TTN: variants seen among roughly 807,000 people sequenced by gnomAD.
TTN encodes connectin.
Under a neutral mutation model 3,223.0 loss-of-function variants are expected in TTN, and 1,525 were observed. That is an observed-to-expected ratio of 0.47 (90% CI 0.45 to 0.49). The LOEUF is 0.49. Among genes scored for constraint, TTN ranks in the 20% least tolerant of loss-of-function variants. TTN has a pLI of 0.00. For synonymous variants in TTN, 14,094 were observed against 15,161.0 expected (o/e 0.93, Z 5.17); for missense variants, 40,786 against 43,424.0 (o/e 0.94, Z 5.40).
rs1171764754 is a variant in TTN, at chr2:178,565,336, A to G, written c.80796T>C (p.Ala26932=). ...QTTRVNVEET[A]TSTVLHIKEG... is the part of the protein sequence containing the mutation. ...CTTTAATGTGCAAAACAGTTGAGGTAGCTGTTTCTTCAACGTTTACTCTTG... is the reference window on the plus strand; with the variant it reads ...CTTTAATGTGCAAAACAGTTGAGGTGGCTGTTTCTTCAACGTTTACTCTTG... The change falls in exon 326 of 363, where the codon GCT becomes GCC. Residue 26932 remains alanine (A), a synonymous_variant. Transcript: ENST00000589042. 6.2e-7 allele frequency: 1 copy of G among 1,613,654 alleles called. No homozygotes were observed. The highest frequency in any genetic ancestry group is 1.7e-5 in the Admixed American group (1 of 59,996).
chr2:178,775,823 G>A lies in TTN; in HGVS notation c.6041C>T (p.Thr2014Ile), dbSNP rs189149543. The A allele has an allele frequency of 4.3e-4, 693 of 1,613,932 alleles. 5 individuals are homozygous for A. Among genetic ancestry groups the A allele is most frequent in the Non-Finnish European group, 4.8e-5 (57 of 1,179,958 alleles). Residue 2014 changes from threonine (T) to isoleucine (I), a missense_variant, in exon 28 of 363, where the codon ACC becomes ATC. By Grantham distance (89) the Thr-to-Ile change is moderately conservative. Transcript: ENST00000589042. ...CTTTCGAGACTTGAGCTCCACAGCG[G>A]TAATGGCTTCATAATAGCCCTCTTC... The part of the protein sequence containing the change: ...RTEEGYYEAI[T>I]AVELKSRKKD...
chr2:178,618,272 A>G lies in TTN; in HGVS notation c.47186T>C (p.Leu15729Pro), dbSNP rs1364835059. ...TGLQKGGVEY[L>P]FRVSARNRVG... ...TCTGTTTCTTGCACTCACACGGAAT[A>G]GGTACTCAACTCCTCCTTTCTGTAG... is the stretch of plus-strand genomic sequence containing the variant. The change falls in exon 252 of 363, where the codon CTA (leucine) becomes CCA (proline). Residue 15729 changes from leucine (L) to proline (P), a missense_variant. Transcript: ENST00000589042. 1 of 1,612,700 alleles carries G rather than the reference A, an allele frequency of 6.2e-7. No individual in the cohort carries two copies. The highest frequency in any genetic ancestry group is 8.5e-7 in the Non-Finnish European group (1 of 1,179,190).
chr2:178,727,373 T>C lies in TTN; in HGVS notation c.19994-2A>G. On this transcript the variant is annotated splice_acceptor_variant, in intron 68 of 362. Transcript: ENST00000589042. LOFTEE classifies it high-confidence loss of function. ...ATTTCTTTACAAACTTTGGTGGTTC[T>C]AAAGAGTCAGGAAAGAGGAGAGTAT... 1.3e-6 allele frequency: 2 copies of C among 1,583,296 alleles called. No individual in the cohort carries two copies. The highest frequency in any genetic ancestry group is 1.7e-6 in the Non-Finnish European group (2 of 1,165,626).
intron 121 of TTN, 68 bp from the exon 122 acceptor site, chr2:178,689,964 G>T: frequency 7.5e-7 from 1 of 1,336,090 alleles, no homozygotes. Flanking sequence ...ATAGGCACAT[G>T]CACAAATCTT....
At chr2:178,555,879 A>C (rs1701218404) in intron 330 of TTN, 1 of 152,224 alleles carries the variant, frequency 6.6e-6, no homozygotes, top group Non-Finnish European at 1.5e-5. Context: ...AATTTTCAAA[A>C]CATTGTTGAG....
chr2:178,796,033 G>T (rs1164149762), intron 6 of TTN, among the ~76,000 whole-genome samples: 1 of 152,172 alleles, frequency 6.6e-6, no homozygotes, highest in Admixed American at 6.5e-5. Flanking sequence ...TGGGTAAATT[G>T]ATAAAGTTGC....
Position 178,585,155 on chromosome 2 carries a change from G to T in TTN, c.64589C>A (p.Thr21530Asn). 1 of 1,613,324 alleles carries T rather than the reference G, an allele frequency of 6.2e-7. No individual in the cohort carries two copies. Among genetic ancestry groups the T allele is most frequent in the Non-Finnish European group, 8.5e-7 (1 of 1,179,464 alleles). ...GCTGTAGTAACCACTGTCTTTCCTA[G>T]TCACATCTTTTATGATCAGAATTGA... The part of the protein sequence containing the change: ...SSSILIIKDV[T>N]RKDSGYYSLT... The change falls in exon 309 of 363, where the codon ACT becomes AAT. Residue 21530 changes from threonine to asparagine, a missense_variant. Thr to Asn is a moderately conservative substitution (Grantham distance 65). Coordinates refer to ENST00000589042, the MANE Select transcript of TTN (RefSeq NM_001267550.2).
At chr2:178,675,253 C>T (rs1241696626) in intron 149 of TTN, 140 bp from the exon 150 acceptor site, 11 of 521,876 alleles carry the variant, frequency 2.1e-5, no homozygotes, top group Non-Finnish European at 2.0e-5. Flanking sequence ...TTCACAGAAT[C>T]GGTTAATGAG....
rs2071520108 is a variant in TTN, at chr2:178,688,708, A to T, written c.32166T>A (p.Val10722=). ...GCCGCGTGACTTCCACTCTTTGAGG[A>T]ACTGCGAAGGATAGTTTTTCTTCAG... ...FVAEEKLSFA[V]PQRVEVTRHE... The change falls in exon 126 of 363, where the codon GTT becomes GTA. Residue 10722 remains valine, a synonymous_variant. Transcript: ENST00000589042. The T allele has an allele frequency of 6.2e-7, 1 of 1,613,808 alleles. No homozygotes were observed. The highest frequency in any genetic ancestry group is 8.5e-7 in the Non-Finnish European group (1 of 1,179,706).
Position 178,595,742 on chromosome 2 carries a change from T to C in TTN, c.57612A>G (p.Thr19204=), listed in dbSNP as rs762560444. ...HNLTNESCKL[T]WFSPEDDGGS... ...CTCCATCATCTTCTGGAGAAAACCA[T>C]GTCAGTTTGCAGGACTCATTGGTTA... is the stretch of plus-strand genomic sequence containing the variant. Residue 19204 remains threonine (T), a synonymous_variant, in exon 295 of 363, where the codon ACA becomes ACG. Transcript: ENST00000589042. The C allele has an allele frequency of 1.1e-5, 18 of 1,609,544 alleles. No individual in the cohort carries two copies. Among genetic ancestry groups the C allele is most frequent in the Non-Finnish European group, 1.5e-5 (18 of 1,178,126 alleles).
In TTN at chr2:178,620,362, T is replaced by C. The variant is rs761587912; in HGVS notation, c.46159A>G (p.Ile15387Val). Residue 15387 changes from isoleucine (I) to valine (V), a missense_variant, in exon 248 of 363, where the codon ATA becomes GTA. Transcript: ENST00000589042. The part of the protein sequence containing the change: ...QDKSVAELLI[I>V]EAPTEFVEHL... ...TCCACAAATTCTGTCGGGGCTTCTA[T>C]GATGAGAAGCTCAGCAACAGATTTA... is the stretch of plus-strand genomic sequence containing the variant. 1.2e-6 allele frequency: 2 copies of C among 1,609,678 alleles called. No homozygotes were observed. The highest frequency in any genetic ancestry group is 1.7e-5 in the Admixed American group (1 of 59,638).
At position 178,552,279 on chromosome 2, in the gene TTN, A is replaced by G. The variant is rs764623652; in HGVS notation, c.90621T>C (p.Asp30207=). 11 of 1,613,532 alleles carry G rather than the reference A, an allele frequency of 6.8e-6. No homozygotes were observed. In the East Asian group the frequency reaches 2.2e-4, roughly 33 times the overall value. The change falls in exon 335 of 363, where the codon GAT becomes GAC. Residue 30207 remains aspartate, a synonymous_variant. Coordinates refer to ENST00000589042, the MANE Select transcript of TTN (RefSeq NM_001267550.2). ...EHGGKYTVIL[D]NAVCRIAVPI... is the part of the protein sequence containing the mutation. ...GGACTGCAATTCTACACACTGCATT[A>G]TCAAGAATAACAGTGTATTTTCCTC...
chr2:178,588,770 A>T lies in TTN; in HGVS notation c.62955T>A (p.Asn20985Lys). The T allele has an allele frequency of 6.2e-7, 1 of 1,613,320 alleles. No homozygotes were observed. The highest frequency in any genetic ancestry group is 1.3e-5 in the African/African-American group (1 of 75,000). ...ACTTTCCACCATCATATTCAGGTGG[A>T]TTCCAAACCACAGTCATCTCTTCTT... is the stretch of plus-strand genomic sequence containing the variant. ...VSKEEMTVVWNPPEYDGGKSI... is the reference protein window; with the variant it reads ...VSKEEMTVVWKPPEYDGGKSI... Residue 20985 changes from asparagine to lysine, a missense_variant, in exon 304 of 363, where the codon AAT becomes AAA. Asn to Lys is a moderately conservative substitution (Grantham distance 94). Transcript: ENST00000589042.
rs1289655162 is a variant in TTN at position 178,782,447 on chromosome 2, C to T, written c.3165-20G>A. On this transcript the variant is annotated intron_variant, in intron 19 of 362. Transcript: ENST00000589042. ...ACAAAGCTGGAAAGAGAATTCCCCT[C>T]ATATTAGCTTCCGGGTTGCAATTTG... 4 of 1,613,984 alleles carry T rather than the reference C, an allele frequency of 2.5e-6. No individual in the cohort carries two copies. In the South Asian group the frequency reaches 3.3e-5, roughly 13 times the overall value.
Position 178,751,076 on chromosome 2 carries a change from G to A in TTN, c.11311+2048C>T, listed in dbSNP as rs943726913. On this transcript the variant is annotated intron_variant, in intron 47 of 362. Coordinates refer to ENST00000589042, the MANE Select transcript of TTN (RefSeq NM_001267550.2). Reference sequence around the variant, plus strand: ...ATTTTGATCCATTTGATTAGAAAGGGCATGTGGATTTTGCACAATACTCTC... The same window carrying A: ...ATTTTGATCCATTTGATTAGAAAGGACATGTGGATTTTGCACAATACTCTC... 5.6e-6 allele frequency: 9 copies of A among 1,612,800 alleles called. No individual in the cohort carries two copies. In the South Asian group the frequency reaches 8.8e-5, roughly 16 times the overall value.
Position 178,584,410 on chromosome 2 carries a change from A to C in TTN, c.65141T>G (p.Val21714Gly), listed in dbSNP as rs751864769. ...AGCACAAGGATATTCAGTTGACCGG[A>C]CAAGAGTATCATTGGCTTTCACCCA... The part of the protein sequence containing the change: ...LLWVKANDTL[V>G]RSTEYPCAGL... Residue 21714 changes from valine to glycine, a missense_variant, in exon 311 of 363, where the codon GTC (valine) becomes GGC (glycine). By Grantham distance (109) the Val-to-Gly change is moderately radical. Transcript: ENST00000589042. The C allele has an allele frequency of 6.2e-7, 1 of 1,613,344 alleles. No homozygotes were observed.
intron 295 of TTN, 105 bp from the exon 296 acceptor site, chr2:178,594,751 ACT>A (rs2051048821): frequency 1.1e-6 from 1 of 920,586 alleles, no homozygotes; most frequent in Admixed American, 2.7e-5. Context: ...TAAACATTAA[ACT>A]CTCTGCTCCC....
chr2:178,537,633 C>T lies in TTN; in HGVS notation c.99574G>A (p.Ala33192Thr). The T allele has an allele frequency of 6.2e-7, 1 of 1,613,726 alleles. No individual in the cohort carries two copies. Among genetic ancestry groups the T allele is most frequent in the Non-Finnish European group, 8.5e-7 (1 of 1,179,722 alleles). Residue 33192 changes from alanine (A) to threonine (T), a missense_variant, in exon 355 of 363, where the codon GCA (alanine) becomes ACA (threonine). Coordinates refer to ENST00000589042, the MANE Select transcript of TTN (RefSeq NM_001267550.2). ...VETSSKLLLQ[A>T]TPQFHPGYPL... The stretch of plus-strand genomic sequence containing the variant: ...TAACCAGGATGGAACTGCGGTGTTG[C>T]TTGCAGGAGAAGCTTACTACTGGTT...
rs757129504 is a variant in TTN at position 178,545,494 on chromosome 2, G to T, written c.95616C>A (p.Ser31872Arg). Residue 31872 changes from serine to arginine, a missense_variant, in exon 344 of 363, where the codon AGC becomes AGA. Transcript: ENST00000589042. ...ACTGGTAATCACAACCCTCCATCAG[G>T]CTGGTCACCTTCAGCCTGGTATCAT... ...VVYDTRLKVT[S>R]LMEGCDYQFR... The T allele has an allele frequency of 6.0e-5, 97 of 1,613,458 alleles. No individual in the cohort carries two copies. The highest frequency in any genetic ancestry group is 8.0e-5 in the Non-Finnish European group (94 of 1,179,614).
Sources: gnomAD v4.1 joint callset for allele counts (sites outside exome capture counted in the v4.1 genomes callset) on GRCh38, gnomAD v4.1.1 for gene constraint, MANE v1.5 for transcripts, NCBI Gene and HGNC (gene_info 2026-07-23, HGNC 2026-07-21) for gene names.